The following WWOX variants were observed in gnomAD, a reference collection of about 807,000 sequenced individuals.
WWOX encodes WW domain-containing oxidoreductase.
A neutral mutation model predicts 46.2 loss-of-function variants in WWOX; 69 were observed. That is an observed-to-expected ratio of 1.49 (90% CI 1.23 to 1.82). WWOX has a LOEUF of 1.82. WWOX is among the 40% of genes most tolerant of loss of function. WWOX has a pLI of 0.00. For synonymous variants in WWOX, 359 were observed against 202.6 expected, an observed-to-expected ratio of 1.77 and a Z score of -6.56; for missense variants, 919 against 542.6, an observed-to-expected ratio of 1.69 and a Z score of -6.89.
chr16:78,454,468 C>T (rs2083768104), intron 8 of WWOX, among the ~76,000 whole-genome samples: 1 of 150,294 alleles, frequency 6.7e-6, no homozygotes, highest in Non-Finnish European at 1.5e-5. Flanking sequence ...GTTTTTTTTC[C>T]CCTAGGTTGT....
intron 8 of WWOX, among the ~76,000 whole-genome samples, chr16:78,924,711 G>C (rs531502007): frequency 7.6e-4 from 116 of 152,272 alleles, no homozygotes; most frequent in African/African-American, 2.6e-3. Context: ...TTAATACCTT[G>C]AATAAGTTTA....
chr16:78,894,554 T>C (rs2044659807), intron 8 of WWOX, among the ~76,000 whole-genome samples: 1 of 152,198 alleles, frequency 6.6e-6, no homozygotes, highest in Non-Finnish European at 1.5e-5. Flanking sequence ...TCCAGCCTGA[T>C]TCTAATTTTC....
chr16:78,769,843 C>T (rs971039382), intron 8 of WWOX, among the ~76,000 whole-genome samples: 4 of 148,404 alleles, frequency 2.7e-5, no homozygotes, highest in African/African-American at 9.9e-5. Context: ...CCTGTCTCTA[C>T]AAAAAATAAA....
chr16:78,302,816 A>AAT (rs1404722146), intron 5 of WWOX, among the ~76,000 whole-genome samples: 1 of 152,178 alleles, frequency 6.6e-6, no homozygotes, highest in East Asian at 1.9e-4. Context: ...TTTAGGTATT[A>AAT]TGCAATTTGC....
intron 8 of WWOX, among the ~76,000 whole-genome samples, chr16:79,208,369 A>ATGAT (rs749549822): frequency 2.3e-5 from 3 of 129,142 alleles, no homozygotes; most frequent in East Asian, 4.0e-4. Flanking sequence ...CTTCTGATAA[A>ATGAT]TGATTGATTC....
chr16:78,938,003 T>A (rs1395626953), intron 8 of WWOX, among the ~76,000 whole-genome samples: 3 of 152,182 alleles, frequency 2.0e-5, no homozygotes, highest in African/African-American at 4.8e-5. Context: ...TCAAAGTCCT[T>A]GCCTAAGGTA....
intron 7 of WWOX, among the ~76,000 whole-genome samples, chr16:78,428,967 G>T (rs1019688154): frequency 6.6e-6 from 1 of 152,176 alleles, no homozygotes; most frequent in African/African-American, 2.4e-5. Flanking sequence ...TGAAACAAGG[G>T]AAACTGTCAA....
At chr16:79,031,130 A>T (rs911835262) in intron 8 of WWOX, among the ~76,000 whole-genome samples, 2 of 151,926 alleles carry the variant, frequency 1.3e-5, no homozygotes, top group African/African-American at 4.8e-5. Context: ...AACTATATAA[A>T]CACTAGGGTT....
rs140519774 is a variant in WWOX at position 78,363,871 on chromosome 16, C to G, written c.517-22989C>G. 8.5e-5 allele frequency among the ~76,000 whole-genome samples: 13 copies of G among 152,254 alleles called. No individual in the cohort carries two copies. In the East Asian group the frequency reaches 2.3e-3, roughly 27 times the overall value. Reference sequence around the variant, plus strand: ...GTCATGTGCAGAGTTCGAGGCAGGGCCTGGATGGGAAGCCCAGCATGGAGA... The same window carrying G: ...GTCATGTGCAGAGTTCGAGGCAGGGGCTGGATGGGAAGCCCAGCATGGAGA... On this transcript the variant is annotated intron_variant, in intron 5 of 8. Coordinates refer to ENST00000566780, the MANE Select transcript of WWOX (RefSeq NM_016373.4).
chr16:78,492,007 T>C (rs1340832124), intron 8 of WWOX, among the ~76,000 whole-genome samples: 1 of 144,244 alleles, frequency 6.9e-6, no homozygotes, highest in African/African-American at 2.5e-5. Flanking sequence ...AAGGTGACAC[T>C]TGCCATTCTC....
At chr16:78,772,525 C>G (rs1162425100) in intron 8 of WWOX, among the ~76,000 whole-genome samples, 2 of 152,052 alleles carry the variant, frequency 1.3e-5, no homozygotes, top group African/African-American at 4.8e-5. Flanking sequence ...AATGTGATGA[C>G]TTCTGGGTTC....
At chr16:78,649,324 A>G (rs1204873300) in intron 8 of WWOX, among the ~76,000 whole-genome samples, 1 of 151,146 alleles carries the variant, frequency 6.6e-6, no homozygotes, top group Non-Finnish European at 1.5e-5. Context: ...CACACTGTTT[A>G]CCAGATTGGA....
At chr16:78,367,123 G>C (rs56896904) in intron 5 of WWOX, among the ~76,000 whole-genome samples, 8,015 of 151,886 alleles carry the variant, frequency 0.053, 279 homozygotes, top group East Asian at 0.12. Flanking sequence ...GGTACTACAG[G>C]TGCCTGCCAC....
At chr16:79,034,663 G>C (rs936558104) in intron 8 of WWOX, among the ~76,000 whole-genome samples, 2 of 150,920 alleles carry the variant, frequency 1.3e-5, no homozygotes, top group African/African-American at 4.9e-5. Flanking sequence ...GAATGCTTCT[G>C]TGTCATTTTC....
chr16:78,857,132 C>T (rs1041017049), intron 8 of WWOX, among the ~76,000 whole-genome samples: 4 of 152,126 alleles, frequency 2.6e-5, no homozygotes, highest in African/African-American at 9.7e-5. Flanking sequence ...TGTGATAGTG[C>T]TTAAATAATT....
chr16:78,376,881 G>A (rs111785256), intron 5 of WWOX, among the ~76,000 whole-genome samples: 4,152 of 152,264 alleles, frequency 0.027, 161 homozygotes, highest in African/African-American at 0.088. Context: ...GGATCATTCC[G>A]ATTTCCCAAG....
intron 8 of WWOX, among the ~76,000 whole-genome samples, chr16:78,682,731 T>A (rs2047759435): frequency 6.6e-6 from 1 of 152,002 alleles, no homozygotes; most frequent in South Asian, 2.1e-4. Context: ...AAAATGAAAA[T>A]AAAATTTTAA....
intron 8 of WWOX, among the ~76,000 whole-genome samples, chr16:78,603,369 C>G (rs1409068648): frequency 2.0e-5 from 3 of 152,224 alleles, no homozygotes; most frequent in African/African-American, 7.2e-5. Flanking sequence ...AACGCCCCCA[C>G]TGGGTGATCA....
intron 8 of WWOX, among the ~76,000 whole-genome samples, chr16:79,004,923 G>T (rs1271992858): frequency 1.3e-5 from 2 of 152,080 alleles, no homozygotes; most frequent in East Asian, 3.9e-4. Flanking sequence ...TGGCCTTTAT[G>T]CATTTAGAGC....
Sources: allele counts gnomAD v4.1 joint callset (sites outside exome capture counted in the v4.1 genomes callset), GRCh38; gene constraint gnomAD v4.1.1; transcripts MANE v1.5; gene names NCBI Gene and HGNC (gene_info 2026-07-23, HGNC 2026-07-21).